The following ELL2 variants were observed in gnomAD, a reference collection of about 807,000 sequenced individuals.
ELL2 encodes elongation factor for RNA polymerase II 2, also known as RNA polymerase II elongation factor ELL2.
Under a neutral mutation model 72.8 loss-of-function variants are expected in ELL2, and 21 were observed. The ratio of observed to expected loss-of-function variants is 0.29; its 90% CI spans 0.20 to 0.42. ELL2 has a LOEUF of 0.42. Among genes scored for constraint, ELL2 ranks in the 10% least tolerant of loss-of-function variants. ELL2 has a pLI of 1.00. For synonymous variants in ELL2, 266 were observed against 283.2 expected (o/e 0.94, Z 0.61); for missense variants, 568 against 772.8 (o/e 0.73, Z 3.14).
In ELL2 at chr5:95,961,782, C is replaced by A; in HGVS notation, c.-61G>T. ...CCGGCTCTAGCCTCCACTGCGGCCG[C>A]GGCTGCTTGGGCTTCTGCAGCCGCC... On this transcript the variant is annotated 5_prime_UTR_variant, in exon 1 of 12. Transcript: ENST00000237853. The A allele has an allele frequency of 6.7e-7, 1 of 1,503,114 alleles. No individual in the cohort carries two copies. Among genetic ancestry groups the A allele is most frequent in the South Asian group, 1.3e-5 (1 of 78,818 alleles). The allele number at this position is 1,503,114 out of a possible 1,614,324, so 93.1% of individuals were successfully genotyped here.
At chr5:95,919,300 T>G in intron 3 of ELL2, 124 bp downstream of exon 3, 61 of 1,196,222 alleles carry the variant, frequency 5.1e-5, no homozygotes, top group Non-Finnish European at 6.3e-5. Flanking sequence ...GATAAATAAA[T>G]GAGCTCTGTA....
intron 2 of ELL2, among the ~76,000 whole-genome samples, chr5:95,922,212 G>A (rs184255342): frequency 2.0e-5 from 3 of 152,108 alleles, no homozygotes; most frequent in African/African-American, 7.2e-5. Flanking sequence ...ACAGGCACCC[G>A]CCACCACGCC....
chr5:95,890,874 G>T, intron 10 of ELL2: 1 of 537,034 alleles, frequency 1.9e-6, no homozygotes, highest in Non-Finnish European at 3.3e-6. Flanking sequence ...CTCAATATGT[G>T]ATACATTATA....
chr5:95,911,331 G>A (rs1415467018), intron 4 of ELL2, among the ~76,000 whole-genome samples: 1 of 146,654 alleles, frequency 6.8e-6, no homozygotes, highest in Admixed American at 6.8e-5. Context: ...CCTGTATTCA[G>A]AAATGATCAC....
chr5:95,927,953 C>T (rs17085311), intron 2 of ELL2, among the ~76,000 whole-genome samples: 4,033 of 151,084 alleles, frequency 0.027, 177 homozygotes, highest in African/African-American at 0.093. Context: ...GTGTTGGTTT[C>T]GTCAGCTAAA....
chr5:95,911,102 T>A (rs141815612), intron 4 of ELL2, among the ~76,000 whole-genome samples: 3 of 152,314 alleles, frequency 2.0e-5, no homozygotes, highest in Admixed American at 2.0e-4. Context: ...GGGTGATTGA[T>A]ATTTTAAAGA....
chr5:95,939,971 T>G (rs770920516), intron 2 of ELL2, among the ~76,000 whole-genome samples: 11 of 152,170 alleles, frequency 7.2e-5, no homozygotes, highest in Non-Finnish European at 1.6e-4. Flanking sequence ...TGTAAGTATC[T>G]TAGGTACAGA....
chr5:95,909,444 G>C (rs1293248327), intron 4 of ELL2, among the ~76,000 whole-genome samples: 4 of 152,100 alleles, frequency 2.6e-5, no homozygotes, highest in Admixed American at 2.0e-4. Context: ...TATTCGACAA[G>C]GAAGGAATCC....
At chr5:95,892,312 A>G (rs1748697342) in intron 9 of ELL2, among the ~76,000 whole-genome samples, 1 of 152,024 alleles carries the variant, frequency 6.6e-6, no homozygotes, top group Non-Finnish European at 1.5e-5. Flanking sequence ...ATGCCCGGCT[A>G]ATTTTTGTAT....
intron 2 of ELL2, among the ~76,000 whole-genome samples, chr5:95,935,240 T>C (rs980967370): frequency 1.3e-5 from 2 of 152,218 alleles, no homozygotes; most frequent in African/African-American, 4.8e-5. Context: ...ACCGTATGTA[T>C]TCTTCTGCCT....
intron 7 of ELL2, 44 bp from the exon 8 acceptor site, chr5:95,898,854 A>T: frequency 1.4e-6 from 2 of 1,418,118 alleles, no homozygotes; most frequent in Non-Finnish European, 1.9e-6. Flanking sequence ...TTGCACTAAA[A>T]TTAAATAAAT....
intron 3 of ELL2, among the ~76,000 whole-genome samples, chr5:95,914,317 A>G (rs1015459996): frequency 3.3e-5 from 5 of 152,194 alleles, no homozygotes; most frequent in African/African-American, 1.2e-4. Flanking sequence ...GTAAAACCAC[A>G]ATATACATGG....
intron 1 of ELL2, among the ~76,000 whole-genome samples, chr5:95,951,902 C>T (rs1315014385): frequency 1.3e-5 from 2 of 152,118 alleles, no homozygotes; most frequent in Non-Finnish European, 2.9e-5. Context: ...GTCAAGAAAA[C>T]AGGAGACAAA....
intron 8 of ELL2, among the ~76,000 whole-genome samples, chr5:95,895,908 C>T (rs1033072493): frequency 3.3e-5 from 5 of 152,206 alleles, no homozygotes; most frequent in Non-Finnish European, 7.3e-5. Flanking sequence ...TTTAAAGCAC[C>T]CTGGCTACTG....
intron 4 of ELL2, among the ~76,000 whole-genome samples, chr5:95,910,313 A>T (rs189047918): frequency 5.9e-5 from 9 of 152,280 alleles, no homozygotes; most frequent in Admixed American, 5.9e-4. Flanking sequence ...GAATCCTAGA[A>T]ATTAGATTGG....
intron 2 of ELL2, among the ~76,000 whole-genome samples, chr5:95,942,700 C>T (rs1751012794): frequency 6.6e-6 from 1 of 152,128 alleles, no homozygotes; most frequent in Non-Finnish European, 1.5e-5. Flanking sequence ...TGTGATAATA[C>T]ATACTCACAT....
intron 8 of ELL2, among the ~76,000 whole-genome samples, chr5:95,897,297 A>G (rs1227439842): frequency 6.6e-6 from 1 of 152,236 alleles, no homozygotes; most frequent in Non-Finnish European, 1.5e-5. Flanking sequence ...TCTACTCATT[A>G]AAGTAATTTT....
At chr5:95,946,271 G>A (rs772538447) in intron 1 of ELL2, among the ~76,000 whole-genome samples, 9 of 152,100 alleles carry the variant, frequency 5.9e-5, no homozygotes, top group Non-Finnish European at 1.3e-4. Flanking sequence ...AGCTAACAGG[G>A]GATAGTGGAC....
At chr5:95,950,722 C>G (rs1254522748) in intron 1 of ELL2, among the ~76,000 whole-genome samples, 3 of 151,184 alleles carry the variant, frequency 2.0e-5, no homozygotes, top group Admixed American at 6.6e-5. Flanking sequence ...GATTAAAGAA[C>G]ATATGAAGTA....
Sources: allele counts gnomAD v4.1 joint callset (sites outside exome capture counted in the v4.1 genomes callset), GRCh38; gene constraint gnomAD v4.1.1; transcripts MANE v1.5; gene names NCBI Gene and HGNC (gene_info 2026-07-23, HGNC 2026-07-21).